The following LRRTM4 variants were observed in gnomAD, a reference collection of about 807,000 sequenced individuals.
The protein encoded by LRRTM4 is leucine-rich repeat transmembrane neuronal protein 4.
LRRTM4 carries 25 observed loss-of-function variants against 47.6 expected under a neutral mutation model. The observed-to-expected ratio is 0.53, with a 90% CI of 0.38 to 0.73. The LOEUF is 0.73. LRRTM4 is among the 30% of genes least tolerant of loss of function. The pLI is 0.00. For synonymous variants in LRRTM4, 311 were observed against 269.5 expected (o/e 1.15, Z -1.51); for missense variants, 638 against 713.4 (o/e 0.89, Z 1.20).
At chr2:76,762,035 G>C (rs1411404599) in intron 3 of LRRTM4, among the ~76,000 whole-genome samples, 1 of 152,140 alleles carries the variant, frequency 6.6e-6, no homozygotes, top group Non-Finnish European at 1.5e-5. Flanking sequence ...TGCAAAAGCT[G>C]TTCTCAAATC....
chr2:77,491,110 G>C (rs1248971464), intron 3 of LRRTM4, among the ~76,000 whole-genome samples: 1 of 152,038 alleles, frequency 6.6e-6, no homozygotes, highest in African/African-American at 2.4e-5. Context: ...GACAGAGAGA[G>C]AGAAGATATA....
intron 3 of LRRTM4, among the ~76,000 whole-genome samples, chr2:76,922,410 A>G (rs1204362131): frequency 6.6e-6 from 1 of 152,020 alleles, no homozygotes; most frequent in African/African-American, 2.4e-5. Flanking sequence ...CATACTTTCA[A>G]ACAATCAGAT....
chr2:77,198,548 T>C (rs143685513), intron 3 of LRRTM4, among the ~76,000 whole-genome samples: 2 of 152,194 alleles, frequency 1.3e-5, no homozygotes, highest in South Asian at 4.1e-4. Flanking sequence ...ATTCCATCAA[T>C]TGAAGTTGAA....
At chr2:77,333,127 T>G (rs1558692486) in intron 3 of LRRTM4, among the ~76,000 whole-genome samples, 1 of 152,246 alleles carries the variant, frequency 6.6e-6, no homozygotes, top group Non-Finnish European at 1.5e-5. Flanking sequence ...CTGCCATTAT[T>G]GTGAGGACTT....
intron 3 of LRRTM4, among the ~76,000 whole-genome samples, chr2:77,206,692 C>A (rs1674136515): frequency 6.6e-6 from 1 of 152,032 alleles, no homozygotes; most frequent in East Asian, 1.9e-4. Flanking sequence ...ACATGTTGGC[C>A]AGGCTGGTCT....
At position 77,518,456 on chromosome 2, in the gene LRRTM4, T is replaced by C. The variant is rs574784180; in HGVS notation, c.1413A>G (p.Arg471=). The C allele has an allele frequency of 4.3e-6, 7 of 1,613,408 alleles. No homozygotes were observed. The Admixed American group carries it at 1.2e-4, about 27-fold the overall frequency. The change falls in exon 3 of 4, where the codon AGA becomes AGG. Residue 471 remains arginine (R), a synonymous_variant. Coordinates refer to ENST00000409884, the MANE Select transcript of LRRTM4 (RefSeq NM_001134745.3). ...GGGAATTCATTTGTCTTTCAGACTCTCTGGCCTTTTTCCGCCGCCTCTTCA... is the reference window on the plus strand; with the variant it reads ...GGGAATTCATTTGTCTTTCAGACTCCCTGGCCTTTTTCCGCCGCCTCTTCA... ...SLMKRRRKKA[R]ESERQMNSPL...
At chr2:77,201,020 A>T (rs991744353) in intron 3 of LRRTM4, among the ~76,000 whole-genome samples, 5 of 152,172 alleles carry the variant, frequency 3.3e-5, no homozygotes, top group Non-Finnish European at 7.4e-5. Context: ...TACGTAAGCC[A>T]GTTATGGTGT....
intron 3 of LRRTM4, among the ~76,000 whole-genome samples, chr2:76,915,316 G>A (rs1674206184): frequency 6.6e-6 from 1 of 152,174 alleles, no homozygotes; most frequent in African/African-American, 2.4e-5. Flanking sequence ...AAACGGGATT[G>A]AGTCCTACCA....
chr2:77,161,155 T>C (rs187192264), intron 3 of LRRTM4, among the ~76,000 whole-genome samples: 16 of 152,264 alleles, frequency 1.1e-4, no homozygotes, highest in Non-Finnish European at 2.2e-4. Flanking sequence ...CCCAGCATTT[T>C]TTCCCATCTT....
intron 3 of LRRTM4, among the ~76,000 whole-genome samples, chr2:76,774,896 T>C (rs921768324): frequency 6.6e-6 from 1 of 152,238 alleles, no homozygotes; most frequent in Non-Finnish European, 1.5e-5. Flanking sequence ...TGAAATCCTT[T>C]TGCCAGATTG....
At chr2:76,903,996 T>C (rs534400678) in intron 3 of LRRTM4, among the ~76,000 whole-genome samples, 14 of 152,312 alleles carry the variant, frequency 9.2e-5, no homozygotes, top group African/African-American at 3.4e-4. Flanking sequence ...AGGAATCCAA[T>C]TTAGTGAAAA....
At chr2:77,520,617 A>T (rs1679449388) in intron 2 of LRRTM4, among the ~76,000 whole-genome samples, 1 of 152,102 alleles carries the variant, frequency 6.6e-6, no homozygotes, top group African/African-American at 2.4e-5. Flanking sequence ...AATTCGTATT[A>T]TTTGCCTAAA....
At chr2:76,777,112 A>G (rs1425829886) in intron 3 of LRRTM4, among the ~76,000 whole-genome samples, 4 of 148,180 alleles carry the variant, frequency 2.7e-5, no homozygotes, top group Non-Finnish European at 6.0e-5. Flanking sequence ...TGTTCCATTG[A>G]TCTATATCTC....
Position 77,014,503 on chromosome 2 carries a change from C to CATATATATATATATATAT in LRRTM4, c.1552-265588_1552-265587insATATATATATATATATAT, listed in dbSNP as rs71381251. ...TGCAGAAGAAGCATTTGTGCCCTTT[C>CATATATATATATATATAT]ATATATATATATATAAAGATTTTAT... On this transcript the variant is annotated intron_variant, in intron 3 of 3. Coordinates refer to ENST00000409884, the MANE Select transcript of LRRTM4 (RefSeq NM_001134745.3). Among the ~76,000 whole-genome samples the CATATATATATATATATAT allele has an allele frequency of 3.4e-4, 48 of 139,156 alleles. 2 individuals carry two copies. Among genetic ancestry groups the CATATATATATATATATAT allele is most frequent in the Admixed American group, 1.5e-3 (19 of 13,082 alleles). The allele number at this position is 139,156 out of a possible 152,430, so 91.3% of individuals were successfully genotyped here.
intron 3 of LRRTM4, among the ~76,000 whole-genome samples, chr2:76,901,588 C>T (rs1413413765): frequency 6.6e-6 from 1 of 151,924 alleles, no homozygotes; most frequent in Non-Finnish European, 1.5e-5. Context: ...TCTCTAAGCA[C>T]TGTAAAAAAA....
At chr2:77,267,956 T>G (rs1311514043) in intron 3 of LRRTM4, among the ~76,000 whole-genome samples, 1 of 152,172 alleles carries the variant, frequency 6.6e-6, no homozygotes, top group Admixed American at 6.6e-5. Flanking sequence ...ATTTTTTTCC[T>G]TTATACATCT....
chr2:76,812,564 G>T (rs567479334), intron 3 of LRRTM4, among the ~76,000 whole-genome samples: 2 of 152,200 alleles, frequency 1.3e-5, no homozygotes, highest in Non-Finnish European at 2.9e-5. Flanking sequence ...TTTGATAAGA[G>T]CCTGTATTAC....
chr2:76,878,413 A>G (rs114871111), intron 3 of LRRTM4, among the ~76,000 whole-genome samples: 1,841 of 152,224 alleles, frequency 0.012, 37 homozygotes, highest in African/African-American at 0.042. Flanking sequence ...TCTAACTTTA[A>G]AACAAAATGA....
intron 3 of LRRTM4, among the ~76,000 whole-genome samples, chr2:77,016,242 T>C (rs999014504): frequency 2.6e-5 from 4 of 151,624 alleles, no homozygotes; most frequent in Non-Finnish European, 5.9e-5. Flanking sequence ...AAAAATTAGC[T>C]GGGCGTGGTG....
Sources: gnomAD v4.1 joint callset for allele counts (sites outside exome capture counted in the v4.1 genomes callset) on GRCh38, gnomAD v4.1.1 for gene constraint, MANE v1.5 for transcripts, NCBI Gene and HGNC (gene_info 2026-07-23, HGNC 2026-07-21) for gene names.